The following MEGF9 variants were observed in gnomAD, a reference collection of about 807,000 sequenced individuals.
MEGF9 encodes the protein multiple epidermal growth factor-like domains protein 9.
Under a neutral mutation model 46.8 loss-of-function variants are expected in MEGF9, and 6 were observed. That is an observed-to-expected ratio of 0.13 (90% confidence interval 0.07 to 0.25). The LOEUF (loss-of-function observed/expected upper bound fraction) is 0.25, where lower values mean the gene tolerates loss of function less well. Ranked by LOEUF, MEGF9 falls within the 10% of genes least tolerant of loss-of-function variation. MEGF9 has a pLI of 1.00. For synonymous variants in MEGF9, 302 were observed against 330.7 expected (o/e 0.91, Z 0.94); for missense variants, 683 against 792.4 (o/e 0.86, Z 1.66).
chr9:120,622,646 T>C lies in MEGF9; in HGVS notation c.913A>G (p.Asn305Asp). Residue 305 changes from asparagine to aspartate, a missense_variant, in exon 3 of 6, where the codon AAT (asparagine) becomes GAT (aspartate). Physicochemically the swap from Asn to Asp is conservative, Grantham distance 23. Coordinates refer to ENST00000373930, the MANE Select transcript of MEGF9 (RefSeq NM_001080497.3). ...KNGCLPCQCN[N>D]RSASCDALTG... ...AGGGCATCGCAACTGGCAGACCGAT[T>C]ATTGCATTGGCAGGGCAAGCAGCCA... The C allele has an allele frequency of 6.2e-7, 1 of 1,613,794 alleles. No individual in the cohort carries two copies. Among genetic ancestry groups the C allele is most frequent in the Non-Finnish European group, 8.5e-7 (1 of 1,179,840 alleles).
At chr9:120,650,475 G>A in intron 2 of MEGF9, among the ~76,000 whole-genome samples, 1 of 152,088 alleles carries the variant, frequency 6.6e-6, no homozygotes, top group East Asian at 1.9e-4. Context: ...GAACACCAAT[G>A]GTGATGTGAG....
At chr9:120,614,456 C>T (rs75822998) in intron 3 of MEGF9, among the ~76,000 whole-genome samples, 5,559 of 152,030 alleles carry the variant, frequency 0.037, 317 homozygotes, top group African/African-American at 0.13. Context: ...GTGTTAATGA[C>T]ATTTTTCCCA....
chr9:120,622,604 G>A lies in MEGF9; in HGVS notation c.943+12C>T. The A allele has an allele frequency of 5.6e-6, 9 of 1,612,394 alleles. No individual in the cohort carries two copies. Among genetic ancestry groups the A allele is most frequent in the Non-Finnish European group, 7.6e-6 (9 of 1,179,296 alleles). On this transcript the variant is annotated intron_variant, in intron 3 of 5. Coordinates refer to ENST00000373930, the MANE Select transcript of MEGF9 (RefSeq NM_001080497.3). ...GGAATAATTACATGACAAAGTTAAG[G>A]AAAGTACGTACCTGTGAGGGCATCG...
chr9:120,642,649 T>C (rs1306630090), intron 2 of MEGF9, among the ~76,000 whole-genome samples: 2 of 152,244 alleles, frequency 1.3e-5, no homozygotes, highest in African/African-American at 4.8e-5. Flanking sequence ...TATATTTCTC[T>C]GTAAAAATGT....
intron 4 of MEGF9, 21 bp downstream of exon 4, chr9:120,612,373 GAA>G: frequency 1.3e-6 from 2 of 1,588,608 alleles, no homozygotes; most frequent in Middle Eastern, 1.7e-4. Context: ...CCTCTAAAAT[GAA>G]AAGTTAGAGA....
At position 120,638,415 on chromosome 9, in the gene MEGF9, AGATC is replaced by A. The variant is rs771903533; in HGVS notation, c.804-15664_804-15661del. On this transcript the variant is annotated intron_variant, in intron 2 of 5. Coordinates refer to ENST00000373930, the MANE Select transcript of MEGF9 (RefSeq NM_001080497.3). ...TTGCATAAATGGTGGCTTAGTTTCC[AGATC>A]AGCAAACAAAAACCTGCTTAAATTG... 6.5e-4 allele frequency among the ~76,000 whole-genome samples: 99 copies of A among 152,364 alleles called. No homozygotes were observed. In the Middle Eastern group the frequency reaches 0.017, roughly 26 times the overall value.
chr9:120,701,826 C>T (rs1287089202), intron 1 of MEGF9, among the ~76,000 whole-genome samples: 1 of 152,058 alleles, frequency 6.6e-6, no homozygotes, highest in African/African-American at 2.4e-5. Context: ...GGGCGGATCA[C>T]GAGGTCAGGA....
chr9:120,632,090 G>A (rs533856876), intron 2 of MEGF9, among the ~76,000 whole-genome samples: 1 of 152,166 alleles, frequency 6.6e-6, no homozygotes, highest in East Asian at 1.9e-4. Flanking sequence ...ACCACGCCCA[G>A]CTAATTTTTG....
chr9:120,686,928 G>C (rs888113902), intron 1 of MEGF9, among the ~76,000 whole-genome samples: 1 of 152,012 alleles, frequency 6.6e-6, no homozygotes, highest in South Asian at 2.1e-4. Context: ...GGAAACAGGT[G>C]AATTTTTAAT....
intron 1 of MEGF9, among the ~76,000 whole-genome samples, chr9:120,672,058 T>G (rs2132328470): frequency 6.6e-6 from 1 of 152,318 alleles, no homozygotes; most frequent in South Asian, 2.1e-4. Flanking sequence ...CATCCATTCA[T>G]GGGAGAAGTG....
At chr9:120,705,809 G>GA (rs2050705753) in intron 1 of MEGF9, among the ~76,000 whole-genome samples, 1 of 151,356 alleles carries the variant, frequency 6.6e-6, no homozygotes, top group African/African-American at 2.4e-5. Context: ...CATTTCTAGT[G>GA]AAAAACAGAT....
chr9:120,690,321 C>T (rs990393364), intron 1 of MEGF9, among the ~76,000 whole-genome samples: 2 of 151,946 alleles, frequency 1.3e-5, no homozygotes, highest in African/African-American at 4.8e-5. Flanking sequence ...CTTTACTCAC[C>T]CAGAGACCAA....
intron 2 of MEGF9, among the ~76,000 whole-genome samples, chr9:120,624,487 G>A (rs1169451402): frequency 1.3e-5 from 2 of 151,942 alleles, no homozygotes; most frequent in Non-Finnish European, 2.9e-5. Context: ...CTTGGCCTCC[G>A]AAAGTGCTAG....
chr9:120,699,342 GC>G (rs1301419183), intron 1 of MEGF9, among the ~76,000 whole-genome samples: 1 of 151,860 alleles, frequency 6.6e-6, no homozygotes, highest in Non-Finnish European at 1.5e-5. Context: ...TTTTAAAAAA[GC>G]TTTATGGGAC....
intron 3 of MEGF9, among the ~76,000 whole-genome samples, chr9:120,619,944 T>A (rs2043490785): frequency 6.6e-6 from 1 of 151,878 alleles, no homozygotes; most frequent in African/African-American, 2.4e-5. Context: ...AGGGCAACCT[T>A]ATCACAGCAC....
chr9:120,615,242 AAAT>A (rs914841563), intron 3 of MEGF9, among the ~76,000 whole-genome samples: 4 of 150,272 alleles, frequency 2.7e-5, no homozygotes, highest in Non-Finnish European at 4.4e-5. Context: ...TCCTTTTCAA[AAAT>A]AATAATAATA....
In MEGF9 at chr9:120,605,436, G is replaced by T; in HGVS notation, c.1563C>A (p.Ile521=). The T allele has an allele frequency of 1.2e-6, 2 of 1,614,014 alleles. No individual in the cohort carries two copies. The highest frequency in any genetic ancestry group is 1.7e-6 in the Non-Finnish European group (2 of 1,179,884). Reference sequence around the variant, plus strand: ...CCATTAGCAGCACCACAACAATGATGATGACTGTCAAAATGATGATGTTAA... The same window carrying T: ...CCATTAGCAGCACCACAACAATGATTATGACTGTCAAAATGATGATGTTAA... ...TQFNIIILTV[I]IIVVVLLMGF... is the part of the protein sequence containing the mutation. The change falls in exon 6 of 6, where the codon ATC becomes ATA. Residue 521 remains isoleucine (I), a synonymous_variant. Coordinates refer to ENST00000373930, the MANE Select transcript of MEGF9 (RefSeq NM_001080497.3). The surrounding 1 kb of genome is among the most constrained non-coding windows in gnomAD (Gnocchi z 4.0).
intron 1 of MEGF9, among the ~76,000 whole-genome samples, chr9:120,663,947 A>C (rs1398578895): frequency 6.6e-6 from 1 of 152,218 alleles, no homozygotes; most frequent in Non-Finnish European, 1.5e-5. Flanking sequence ...AAGAAACTAA[A>C]ATCTTTGCCA....
rs1231403331 is a variant in MEGF9, at chr9:120,611,859, G to GA, written c.1087+536_1087+537insT. ...AGGAAGGAAGGAAGGAAGGAAGGAA[G>GA]GAAGAAAGAGAGAGAGAGAGAGAGA... On this transcript the variant is annotated intron_variant, in intron 4 of 5. Transcript: ENST00000373930. 2.9e-3 allele frequency among the ~76,000 whole-genome samples: 402 copies of GA among 136,584 alleles called. 2 individuals are homozygous for GA. Among genetic ancestry groups the GA allele is most frequent in the African/African-American group, 0.011 (381 of 34,136 alleles). 89.6% of individuals were successfully genotyped at this position (136,584 alleles called of 152,430 possible). A position where few individuals can be genotyped will look rare whatever the true frequency, so the allele number is the denominator to read the frequency against.
Sources: gnomAD v4.1 joint callset for allele counts (sites outside exome capture counted in the v4.1 genomes callset) on GRCh38, gnomAD v4.1.1 for gene constraint, Gnocchi (gnomAD v3.1) non-coding constraint, MANE v1.5 for transcripts, NCBI Gene and HGNC (gene_info 2026-07-23, HGNC 2026-07-21) for gene names.